IL1RAPL2: variants seen among roughly 807,000 people sequenced by gnomAD.
IL1RAPL2 encodes the protein interleukin 1 receptor accessory protein like 2.
In IL1RAPL2, 3 loss-of-function variants were observed where a neutral mutation model predicts 44.1. That is an observed-to-expected ratio of 0.07 (90% CI 0.03 to 0.18). The LOEUF is 0.18. Ranked by LOEUF, IL1RAPL2 falls within the 10% of genes least tolerant of loss-of-function variation. IL1RAPL2 has a pLI of 1.00. For synonymous variants in IL1RAPL2, 181 were observed against 178.8 expected (o/e 1.01, Z -0.10); for missense variants, 391 against 496.4 (o/e 0.79, Z 2.02).
chrX:105,219,863 C>A, intron 3 of IL1RAPL2: 1 of 1,086,330 alleles, frequency 9.2e-7, no homozygotes, highest in Non-Finnish European at 1.2e-6. Flanking sequence ...CAGGGCGAAG[C>A]CATGGAGCAG....
At chrX:104,731,411 T>A (rs1233724104) in intron 2 of IL1RAPL2, among the ~76,000 whole-genome samples, 1 of 110,097 alleles carries the variant, frequency 9.1e-6, no homozygotes, top group Non-Finnish European at 1.9e-5. Flanking sequence ...TGTAACAGAC[T>A]TTTTTTTTGG....
At chrX:105,033,880 T>G (rs1390896008) in intron 2 of IL1RAPL2, among the ~76,000 whole-genome samples, 1 of 111,972 alleles carries the variant, frequency 8.9e-6, no homozygotes, top group Non-Finnish European at 1.9e-5. Context: ...ATAGATTTGG[T>G]CTTTTCACAT....
At chrX:105,611,469 T>C (rs1003777394) in intron 6 of IL1RAPL2, among the ~76,000 whole-genome samples, 10 of 111,835 alleles carry the variant, frequency 8.9e-5, no homozygotes, top group African/African-American at 3.2e-4. Context: ...TATACAGGTG[T>C]ACCATTTTTT....
chrX:105,573,118 G>A (rs1282312364), intron 6 of IL1RAPL2, among the ~76,000 whole-genome samples: 1 of 111,446 alleles, frequency 9.0e-6, no homozygotes, highest in African/African-American at 3.3e-5. Context: ...GAGTGCAATG[G>A]TGTGATCACG....
At chrX:104,963,985 G>A (rs1373683177) in intron 2 of IL1RAPL2, among the ~76,000 whole-genome samples, 1 of 109,298 alleles carries the variant, frequency 9.1e-6, no homozygotes, top group East Asian at 2.9e-4. Flanking sequence ...AATCAGATAT[G>A]ACCCTTTATG....
intron 2 of IL1RAPL2, among the ~76,000 whole-genome samples, chrX:105,105,398 G>A (rs926133618): frequency 9.0e-6 from 1 of 111,528 alleles, no homozygotes; most frequent in African/African-American, 3.3e-5. Flanking sequence ...AGATCAAGGG[G>A]GTGACAGTCC....
At chrX:105,764,816 A>AAAAAT (rs767544405) in intron 10 of IL1RAPL2, among the ~76,000 whole-genome samples, 1 of 111,527 alleles carries the variant, frequency 9.0e-6, no homozygotes, top group African/African-American at 3.3e-5. Context: ...AAAAAAATAA[A>AAAAAT]AAAATAAAAT....
At chrX:105,724,963 A>G (rs7892280) in intron 7 of IL1RAPL2, among the ~76,000 whole-genome samples, 4,750 of 111,507 alleles carry the variant, frequency 0.043, 266 homozygotes, top group African/African-American at 0.15. Context: ...ACTTCCTTCT[A>G]ATCAATCTTA....
At chrX:105,063,128 C>A (rs1342958738) in intron 2 of IL1RAPL2, among the ~76,000 whole-genome samples, 1 of 110,855 alleles carries the variant, frequency 9.0e-6, no homozygotes, top group Non-Finnish European at 1.9e-5. Context: ...GTTTTTTATT[C>A]TTTTTCCGTT....
chrX:104,737,207 A>G (rs917783963), intron 2 of IL1RAPL2, among the ~76,000 whole-genome samples: 1 of 112,633 alleles, frequency 8.9e-6, no homozygotes, highest in Admixed American at 9.4e-5. Context: ...AAAAAAAATC[A>G]CACTTGCATT....
chrX:104,608,270 C>T (rs1929063401), intron 1 of IL1RAPL2, among the ~76,000 whole-genome samples: 1 of 110,679 alleles, frequency 9.0e-6, no homozygotes. Flanking sequence ...GCAGAAATAC[C>T]TAATGTAAGT....
intron 6 of IL1RAPL2, among the ~76,000 whole-genome samples, chrX:105,575,956 C>G (rs760222974): frequency 1.8e-5 from 2 of 111,466 alleles, no homozygotes; most frequent in African/African-American, 6.5e-5. Context: ...TGTTTGTTGG[C>G]CACATGTATG....
intron 6 of IL1RAPL2, among the ~76,000 whole-genome samples, chrX:105,489,615 C>G (rs1408201646): frequency 6.3e-5 from 7 of 111,171 alleles, no homozygotes; most frequent in Non-Finnish European, 1.3e-4. Context: ...AAAATGTGCT[C>G]TGTTCTTCTG....
At chrX:105,372,977 A>G (rs952655643) in intron 5 of IL1RAPL2, among the ~76,000 whole-genome samples, 2 of 112,615 alleles carry the variant, frequency 1.8e-5, no homozygotes, top group African/African-American at 6.5e-5. Context: ...TGCAATTAAC[A>G]TATGTTTGCA....
intron 1 of IL1RAPL2, among the ~76,000 whole-genome samples, chrX:104,586,542 C>T (rs1260893498): frequency 9.0e-6 from 1 of 111,396 alleles, no homozygotes; most frequent in Non-Finnish European, 1.9e-5. Flanking sequence ...ATGGCTCCAC[C>T]CAGCTCTTAA....
At chrX:105,087,595 G>T (rs2032494074) in intron 2 of IL1RAPL2, among the ~76,000 whole-genome samples, 1 of 112,013 alleles carries the variant, frequency 8.9e-6, no homozygotes, top group Admixed American at 9.5e-5. Flanking sequence ...GTCTGCTGCA[G>T]ATTAATTGGC....
intron 2 of IL1RAPL2, among the ~76,000 whole-genome samples, chrX:105,164,683 A>G (rs1484994590): frequency 3.6e-5 from 4 of 112,046 alleles, no homozygotes; most frequent in Non-Finnish European, 5.6e-5. Context: ...ACATTATAGC[A>G]TAGTGCTTAA....
intron 2 of IL1RAPL2, among the ~76,000 whole-genome samples, chrX:104,798,565 C>T (rs1004021013): frequency 4.5e-5 from 5 of 110,743 alleles, no homozygotes; most frequent in Non-Finnish European, 7.6e-5. Flanking sequence ...ACTCGGGAGG[C>T]TGAGGCAGGA....
intron 5 of IL1RAPL2, among the ~76,000 whole-genome samples, chrX:105,296,671 C>A (rs1171876988): frequency 8.9e-6 from 1 of 112,268 alleles, no homozygotes; most frequent in African/African-American, 3.2e-5. Flanking sequence ...CAGAATGGAA[C>A]AGAGCAAAGA....
Sources: allele counts gnomAD v4.1 joint callset (sites outside exome capture counted in the v4.1 genomes callset), GRCh38; gene constraint gnomAD v4.1.1; transcripts MANE v1.5; gene names NCBI Gene and HGNC (gene_info 2026-07-23, HGNC 2026-07-21).